Variants in ASIC2 observed in about 807,000 individuals in gnomAD.
ASIC2 encodes acid-sensing ion channel 2.
Under a neutral mutation model 57.3 loss-of-function variants are expected in ASIC2, and 25 were observed. That is an observed-to-expected ratio of 0.44 (90% CI 0.32 to 0.61). The LOEUF is 0.61. ASIC2 is among the 20% of genes least tolerant of loss of function. The pLI, the probability that ASIC2 is intolerant of heterozygous loss-of-function variation, is 0.06. For synonymous variants in ASIC2, 319 were observed against 307.5 expected, an observed-to-expected ratio of 1.04 and a Z score of -0.39; for missense variants, 641 against 738.1, an observed-to-expected ratio of 0.87 and a Z score of 1.52.
At chr17:33,540,561 A>T (rs1219186850) in intron 1 of ASIC2, among the ~76,000 whole-genome samples, 1 of 152,046 alleles carries the variant, frequency 6.6e-6, no homozygotes, top group Non-Finnish European at 1.5e-5. Flanking sequence ...AAGACTTTGC[A>T]ATTTATTATA....
intron 1 of ASIC2, among the ~76,000 whole-genome samples, chr17:33,829,192 G>C (rs746498614): frequency 3.2e-4 from 49 of 152,156 alleles, no homozygotes; most frequent in Non-Finnish European, 4.3e-4. Context: ...GGTAAGGAGA[G>C]AGTTGATGAG....
In ASIC2 at chr17:33,695,502, A is replaced by G. The variant is rs905883684; in HGVS notation, c.555+460476T>C. ...CTTTTAAAAATTATGAAAAAATGTA[A>G]AGAATTTAACTTTTATAAAAAAGCT... On this transcript the variant is annotated intron_variant, in intron 1 of 9. Coordinates refer to the ASIC2 transcript ENST00000359872. Among the ~76,000 whole-genome samples the G allele has an allele frequency of 7.9e-5, 12 of 152,332 alleles. No individual in the cohort carries two copies. The Middle Eastern group carries it at 0.01, about 130-fold the overall frequency.
At chr17:33,644,580 C>T (rs1906683010) in intron 1 of ASIC2, among the ~76,000 whole-genome samples, 1 of 152,174 alleles carries the variant, frequency 6.6e-6, no homozygotes, top group Non-Finnish European at 1.5e-5. Flanking sequence ...CATAACCTTT[C>T]TTGATTACAT....
intron 1 of ASIC2, among the ~76,000 whole-genome samples, chr17:33,374,276 T>C (rs559135809): frequency 6.6e-6 from 1 of 152,242 alleles, no homozygotes; most frequent in African/African-American, 2.4e-5. Flanking sequence ...GGATTACAGG[T>C]GTGAGCCACC....
intron 1 of ASIC2, among the ~76,000 whole-genome samples, chr17:33,837,987 A>G (rs562889726): frequency 2.0e-5 from 3 of 152,270 alleles, no homozygotes; most frequent in Admixed American, 1.3e-4. Flanking sequence ...GATATGGCAT[A>G]CTTCCCTTTC....
chr17:33,066,928 G>T (rs1479108218), intron 3 of ASIC2, among the ~76,000 whole-genome samples: 1 of 152,184 alleles, frequency 6.6e-6, no homozygotes, highest in Non-Finnish European at 1.5e-5. Flanking sequence ...TGATTACAGG[G>T]CAGTAAGTAG....
intron 1 of ASIC2, among the ~76,000 whole-genome samples, chr17:33,789,835 T>A (rs1046015963): frequency 6.6e-6 from 1 of 152,198 alleles, no homozygotes; most frequent in East Asian, 1.9e-4. Flanking sequence ...TAGGAGTGGC[T>A]TCCAGGAATA....
intron 1 of ASIC2, among the ~76,000 whole-genome samples, chr17:33,970,583 C>T (rs1301536715): frequency 6.6e-6 from 1 of 152,232 alleles, no homozygotes; most frequent in African/African-American, 2.4e-5. Flanking sequence ...GCGGCCTCCA[C>T]TCCAACCTGG....
chr17:33,879,188 A>G (rs1914632161), intron 1 of ASIC2, among the ~76,000 whole-genome samples: 1 of 152,228 alleles, frequency 6.6e-6, no homozygotes, highest in South Asian at 2.1e-4. Context: ...GCTAGGAAGA[A>G]ACTGCATCAA....
intron 1 of ASIC2, among the ~76,000 whole-genome samples, chr17:33,746,337 T>C (rs184834218): frequency 8.2e-4 from 122 of 149,456 alleles, no homozygotes; most frequent in African/African-American, 3.0e-3. Flanking sequence ...TATATGTATA[T>C]ATACATACAT....
At chr17:33,245,172 T>C (rs753194204) in intron 1 of ASIC2, among the ~76,000 whole-genome samples, 1 of 152,176 alleles carries the variant, frequency 6.6e-6, no homozygotes, top group Non-Finnish European at 1.5e-5. Flanking sequence ...ATAGTTCTAG[T>C]TACTCCTTAA....
intron 1 of ASIC2, among the ~76,000 whole-genome samples, chr17:33,472,828 G>T (rs1185990386): frequency 6.6e-6 from 1 of 152,114 alleles, no homozygotes; most frequent in Non-Finnish European, 1.5e-5. Context: ...GGGGTGGTGG[G>T]GTTTTGGCTG....
chr17:33,869,909 A>G (rs1315912316), intron 1 of ASIC2, among the ~76,000 whole-genome samples: 1 of 152,262 alleles, frequency 6.6e-6, no homozygotes, highest in African/African-American at 2.4e-5. Context: ...TTATATCTCA[A>G]TAAAAGTGTT....
intron 1 of ASIC2, among the ~76,000 whole-genome samples, chr17:33,801,848 C>T (rs1457269872): frequency 6.6e-6 from 1 of 152,186 alleles, no homozygotes; most frequent in Non-Finnish European, 1.5e-5. Context: ...TGCCTAGTGC[C>T]TACTGTACCG....
At chr17:33,613,752 T>C (rs9898707) in intron 1 of ASIC2, among the ~76,000 whole-genome samples, 67,458 of 151,960 alleles carry the variant, frequency 0.44, 15,294 homozygotes, top group Middle Eastern at 0.53. Context: ...TGTCACTTAA[T>C]AAGACAGCAT....
intron 1 of ASIC2, among the ~76,000 whole-genome samples, chr17:33,414,593 C>T (rs577060488): frequency 3.3e-5 from 5 of 152,148 alleles, no homozygotes; most frequent in Non-Finnish European, 2.9e-5. Flanking sequence ...TCTCAGTTAC[C>T]GCTAGGCTCA....
At chr17:33,820,583 G>A (rs1265443462) in intron 1 of ASIC2, among the ~76,000 whole-genome samples, 2 of 152,102 alleles carry the variant, frequency 1.3e-5, no homozygotes, top group African/African-American at 4.8e-5. Flanking sequence ...TTTGTTCTAA[G>A]GGTAAAAGTG....
At chr17:33,022,078 A>G (rs1456590265) in intron 6 of ASIC2, among the ~76,000 whole-genome samples, 2 of 152,256 alleles carry the variant, frequency 1.3e-5, no homozygotes, top group East Asian at 1.9e-4. Context: ...GTCTGGGGAC[A>G]GTGTTGGCAA....
chr17:33,183,708 A>G (rs868342171), intron 1 of ASIC2, among the ~76,000 whole-genome samples: 13 of 152,368 alleles, frequency 8.5e-5, no homozygotes, highest in Middle Eastern at 6.8e-3. Context: ...TTTCATCAGC[A>G]GTTTTCAACT....
Sources: gnomAD v4.1 joint callset for allele counts (sites outside exome capture counted in the v4.1 genomes callset) on GRCh38, gnomAD v4.1.1 for gene constraint, MANE v1.5 for transcripts, NCBI Gene and HGNC (gene_info 2026-07-23, HGNC 2026-07-21) for gene names.